The following KAZN variants were observed in gnomAD, a reference collection of about 807,000 sequenced individuals.
KAZN encodes the protein kazrin, periplakin interacting protein, also known as kazrin.
In KAZN, 40 loss-of-function variants were observed where a neutral mutation model predicts 87.4. The observed-to-expected ratio is 0.46, with a 90% CI of 0.36 to 0.60. The LOEUF is 0.60. Among genes scored for constraint, KAZN ranks in the 20% least tolerant of loss-of-function variants. The probability of loss-of-function intolerance (pLI) is 0.00; values close to 1 mark genes in which losing one functional copy is unlikely to be tolerated. For synonymous variants in KAZN, 466 were observed against 458.3 expected (o/e 1.02, Z -0.22); for missense variants, 898 against 1,073.9 (o/e 0.84, Z 2.29).
At chr1:14,875,250 G>T (rs1391684671) in intron 1 of KAZN, among the ~76,000 whole-genome samples, 1 of 146,940 alleles carries the variant, frequency 6.8e-6, no homozygotes, top group Non-Finnish European at 1.5e-5. Context: ...AGAATCACTT[G>T]AACCCGGGAG....
chr1:14,112,714 A>G (rs13374167), intron 1 of KAZN, among the ~76,000 whole-genome samples: 43,956 of 152,084 alleles, frequency 0.29, 6,786 homozygotes, highest in East Asian at 0.56. Flanking sequence ...TGGTAGTAGA[A>G]GAAGTCAGAG....
At chr1:15,089,345 C>T (rs1640421340) in intron 8 of KAZN, among the ~76,000 whole-genome samples, 1 of 152,020 alleles carries the variant, frequency 6.6e-6, no homozygotes, top group Non-Finnish European at 1.5e-5. Flanking sequence ...TCACTGAGAG[C>T]CCCACCCCTC....
intron 2 of KAZN, among the ~76,000 whole-genome samples, chr1:14,536,840 C>T (rs1672530157): frequency 6.6e-6 from 1 of 152,046 alleles, no homozygotes; most frequent in African/African-American, 2.4e-5. Context: ...CGAGATCACG[C>T]CATTGCACTC....
chr1:14,887,845 A>G (rs532543175), intron 1 of KAZN, among the ~76,000 whole-genome samples: 1 of 151,890 alleles, frequency 6.6e-6, no homozygotes, highest in South Asian at 2.1e-4. Context: ...TATCATTAGG[A>G]TGGATTAATT....
At chr1:14,800,870 G>A (rs976422563) in intron 1 of KAZN, among the ~76,000 whole-genome samples, 5 of 152,130 alleles carry the variant, frequency 3.3e-5, no homozygotes, top group Non-Finnish European at 5.9e-5. Flanking sequence ...CGTAGTTGCC[G>A]GGGACTGTGG....
chr1:14,405,606 A>ATGTGTGTGTGTGTGTGTGTG, intron 2 of KAZN, among the ~76,000 whole-genome samples: 1 of 136,326 alleles, frequency 7.3e-6, no homozygotes, highest in African/African-American at 2.7e-5. Flanking sequence ...ACCCAATAAA[A>ATGTGTGTGTGTGTGTGTGTG]TGTGTGTGTG....
chr1:14,662,072 T>A (rs1197085831), intron 1 of KAZN, among the ~76,000 whole-genome samples: 1 of 152,196 alleles, frequency 6.6e-6, no homozygotes, highest in East Asian at 1.9e-4. Context: ...AGTGGGTCTG[T>A]AGTCACACCT....
intron 2 of KAZN, among the ~76,000 whole-genome samples, chr1:14,514,886 A>G (rs1178988636): frequency 6.6e-6 from 1 of 152,090 alleles, no homozygotes; most frequent in Non-Finnish European, 1.5e-5. Context: ...ATGAAGTCAG[A>G]TGACATATGC....
chr1:14,971,705 G>C (rs1665064469), intron 2 of KAZN, among the ~76,000 whole-genome samples: 2 of 135,630 alleles, frequency 1.5e-5, no homozygotes, highest in South Asian at 4.8e-4. Context: ...TTTTTGAGAC[G>C]GACTCTCGCT....
rs575285675 is a variant in KAZN at position 14,897,432 on chromosome 1, A to ACTC, written c.227-63251_227-63249dup. On this transcript the variant is annotated intron_variant, in intron 1 of 14. Transcript: ENST00000376030. ...AGACTTTTGTTCCCAGAACCCCTTT[A>ACTC]CTCTTGTAAAAATTAGAGAGGACCC... Among the ~76,000 whole-genome samples, 8 of 152,126 alleles carry ACTC rather than the reference A, an allele frequency of 5.3e-5. No individual in the cohort carries two copies. In the South Asian group the frequency reaches 1.7e-3, roughly 32 times the overall value.
intron 2 of KAZN, among the ~76,000 whole-genome samples, chr1:14,364,779 G>T (rs1177290591): frequency 6.6e-6 from 1 of 152,228 alleles, no homozygotes; most frequent in African/African-American, 2.4e-5. Flanking sequence ...GGGAAGAATT[G>T]TTCCTTGTCT....
chr1:14,450,347 C>T (rs1038743591), intron 2 of KAZN, among the ~76,000 whole-genome samples: 1 of 152,082 alleles, frequency 6.6e-6, no homozygotes, highest in African/African-American at 2.4e-5. Flanking sequence ...CCAACACTTT[C>T]GGAGGCCGAA....
intron 1 of KAZN, among the ~76,000 whole-genome samples, chr1:14,921,943 G>A (rs984427883): frequency 6.6e-6 from 1 of 152,092 alleles, no homozygotes; most frequent in Non-Finnish European, 1.5e-5. Flanking sequence ...AACTCTTGAC[G>A]TCAAGTCACC....
At chr1:14,362,757 C>T (rs182888211) in intron 2 of KAZN, among the ~76,000 whole-genome samples, 1 of 152,290 alleles carries the variant, frequency 6.6e-6, no homozygotes, top group East Asian at 1.9e-4. Flanking sequence ...TCATATTTGC[C>T]AAAGTTCCCA....
chr1:14,082,596 C>G (rs867237306), intron 1 of KAZN, among the ~76,000 whole-genome samples: 1 of 152,156 alleles, frequency 6.6e-6, no homozygotes, highest in Non-Finnish European at 1.5e-5. Context: ...AAAATTAGAC[C>G]GAGTGCTGCA....
At chr1:14,173,871 C>T (rs1007023697) in intron 1 of KAZN, among the ~76,000 whole-genome samples, 1 of 152,124 alleles carries the variant, frequency 6.6e-6, no homozygotes, top group Non-Finnish European at 1.5e-5. Flanking sequence ...CTAAATAAAC[C>T]ACACATGGAA....
At chr1:14,794,953 G>A (rs549616718) in intron 1 of KAZN, among the ~76,000 whole-genome samples, 63 of 152,260 alleles carry the variant, frequency 4.1e-4, no homozygotes, top group African/African-American at 1.2e-3. Flanking sequence ...TCTTTCTCCC[G>A]TGCTGGATGC....
intron 1 of KAZN, among the ~76,000 whole-genome samples, chr1:14,713,340 T>G (rs1019487504): frequency 6.6e-6 from 1 of 152,210 alleles, no homozygotes; most frequent in Non-Finnish European, 1.5e-5. Context: ...GGGGGCCTTT[T>G]GCAATGCTCC....
At chr1:15,034,263 T>C (rs903547917) in intron 2 of KAZN, among the ~76,000 whole-genome samples, 1 of 152,248 alleles carries the variant, frequency 6.6e-6, no homozygotes, top group African/African-American at 2.4e-5. Context: ...ACTTTTGGTA[T>C]ATGTCTTAGT....
Sources: gnomAD v4.1 joint callset for allele counts (sites outside exome capture counted in the v4.1 genomes callset) on GRCh38, gnomAD v4.1.1 for gene constraint, MANE v1.5 for transcripts, NCBI Gene and HGNC (gene_info 2026-07-23, HGNC 2026-07-21) for gene names.